TMEM45B: variants seen among roughly 807,000 people sequenced by gnomAD.
The protein encoded by TMEM45B is transmembrane protein 45B.
TMEM45B carries 29 observed loss-of-function variants against 27.3 expected under a neutral mutation model. The observed-to-expected ratio is 1.06, with a 90% CI of 0.79 to 1.45. TMEM45B has a LOEUF of 1.45. Among genes scored for constraint, TMEM45B ranks in the 40% most tolerant of loss-of-function variants. TMEM45B has a pLI of 0.00. For synonymous variants in TMEM45B, 143 were observed against 134.7 expected (o/e 1.06, Z -0.43); for missense variants, 348 against 343.9 (o/e 1.01, Z -0.09).
intron 1 of TMEM45B, among the ~76,000 whole-genome samples, chr11:129,846,978 C>T (rs1189024161): frequency 6.6e-6 from 1 of 152,078 alleles, no homozygotes; most frequent in Non-Finnish European, 1.5e-5. Flanking sequence ...GGCTCAGGAT[C>T]GTATATGGCC....
chr11:129,819,943 T>C (rs1383078275), intron 1 of TMEM45B, among the ~76,000 whole-genome samples: 3 of 152,084 alleles, frequency 2.0e-5, no homozygotes, highest in Non-Finnish European at 4.4e-5. Flanking sequence ...CAGAACCATA[T>C]CACATACACA....
intron 1 of TMEM45B, among the ~76,000 whole-genome samples, chr11:129,818,305 T>C (rs1204680086): frequency 6.6e-6 from 1 of 152,252 alleles, no homozygotes; most frequent in Non-Finnish European, 1.5e-5. Flanking sequence ...AAAAGGTCTA[T>C]CAGCCTTCTG....
intron 3 of TMEM45B, 115 bp downstream of exon 3, chr11:129,854,931 C>T: frequency 1.6e-6 from 2 of 1,283,924 alleles, no homozygotes. Flanking sequence ...CCAGAAAATC[C>T]ACATCTCTGG....
chr11:129,852,788 C>T (rs2135600115), intron 2 of TMEM45B, 128 bp downstream of exon 2: 1 of 930,020 alleles, frequency 1.1e-6, no homozygotes, highest in South Asian at 1.9e-5. Flanking sequence ...TTCCTGATGG[C>T]CACTAGACTA....
chr11:129,851,836 A>G (rs1947850448), intron 1 of TMEM45B, among the ~76,000 whole-genome samples: 1 of 152,224 alleles, frequency 6.6e-6, no homozygotes. Flanking sequence ...ACTGTGAATC[A>G]TATTGACCAG....
At chr11:129,827,393 C>T (rs1947497939) in intron 1 of TMEM45B, among the ~76,000 whole-genome samples, 1 of 152,196 alleles carries the variant, frequency 6.6e-6, no homozygotes, top group African/African-American at 2.4e-5. Flanking sequence ...GGTGTGAGCA[C>T]TTTTTCCAAG....
At chr11:129,847,045 T>A (rs1947769427) in intron 1 of TMEM45B, among the ~76,000 whole-genome samples, 1 of 152,172 alleles carries the variant, frequency 6.6e-6, no homozygotes, top group Admixed American at 6.5e-5. Flanking sequence ...AAACTAATGA[T>A]TTCAACAAAC....
At chr11:129,840,969 A>T (rs1465625202) in intron 1 of TMEM45B, among the ~76,000 whole-genome samples, 1 of 149,204 alleles carries the variant, frequency 6.7e-6, no homozygotes, top group African/African-American at 2.5e-5. Flanking sequence ...AAAAAAAAAA[A>T]AGCAACAAAC....
intron 1 of TMEM45B, among the ~76,000 whole-genome samples, chr11:129,851,917 G>T (rs539721018): frequency 6.6e-6 from 1 of 152,134 alleles, no homozygotes; most frequent in African/African-American, 2.4e-5. Context: ...AAATGATGTT[G>T]TGCTTTCGTT....
At chr11:129,822,705 G>A (rs1277034685) in intron 1 of TMEM45B, among the ~76,000 whole-genome samples, 1 of 152,140 alleles carries the variant, frequency 6.6e-6, no homozygotes, top group African/African-American at 2.4e-5. Context: ...TGAAGTTGCT[G>A]ATGTTCTCCA....
At chr11:129,854,514 C>T (rs77980698) in intron 2 of TMEM45B, 96 bp from the exon 3 acceptor site, 1 of 1,275,292 alleles carries the variant, frequency 7.8e-7, no homozygotes, top group East Asian at 2.5e-5. Flanking sequence ...CACCTCACCC[C>T]ATCTCCGCTT....
chr11:129,857,454 T>C lies in TMEM45B; in HGVS notation c.712T>C (p.Tyr238His), dbSNP rs751154715. The C allele has an allele frequency of 1.2e-6, 2 of 1,614,162 alleles. No homozygotes were observed. Among genetic ancestry groups the C allele is most frequent in the South Asian group, 2.2e-5 (2 of 91,086 alleles). ...TGTGGCCGTCAACTATTCTCTTGTTTACTGGTATGTCTGAGACTTCAGTGA... is the reference window on the plus strand; with the variant it reads ...TGTGGCCGTCAACTATTCTCTTGTTCACTGGTATGTCTGAGACTTCAGTGA... ...SIVAVNYSLV[Y>H]CLLTRMKRHG... The change falls in exon 5 of 6, where the codon TAC (tyrosine) becomes CAC (histidine). Residue 238 changes from tyrosine to histidine, a missense_variant. Transcript: ENST00000281441.
intron 5 of TMEM45B, among the ~76,000 whole-genome samples, chr11:129,858,354 G>C (rs890313137): frequency 2.6e-5 from 4 of 152,190 alleles, no homozygotes; most frequent in Admixed American, 2.6e-4. Flanking sequence ...ACCAAGATAG[G>C]CAAGACCTTG....
intron 1 of TMEM45B, among the ~76,000 whole-genome samples, chr11:129,851,166 C>A (rs953345839): frequency 1.3e-5 from 2 of 152,198 alleles, no homozygotes; most frequent in African/African-American, 4.8e-5. Context: ...GGGACCAGCT[C>A]CCTCCAGCCA....
At chr11:129,850,170 G>C (rs1346505989) in intron 1 of TMEM45B, among the ~76,000 whole-genome samples, 2 of 149,674 alleles carry the variant, frequency 1.3e-5, no homozygotes, top group South Asian at 4.2e-4. Flanking sequence ...TGTTGATGTT[G>C]TTGTTGTTTT....
chr11:129,854,804 G>A lies in TMEM45B; in HGVS notation c.373G>A (p.Val125Ile). The A allele has an allele frequency of 6.2e-7, 1 of 1,613,530 alleles. No homozygotes were observed. The highest frequency in any genetic ancestry group is 1.1e-5 in the South Asian group (1 of 91,080). ...GGACAGACTGGTTATGGCTGTGGCA[G>A]TATTCATGGAAGGTAATTTTGTGGA... ...GVDRLVMAVAVFMEGFLFYYH... is the reference protein window; with the variant it reads ...GVDRLVMAVAIFMEGFLFYYH... Residue 125 changes from valine to isoleucine, a missense_variant, in exon 3 of 6, where the codon GTA becomes ATA. Physicochemically the swap from Val to Ile is conservative, Grantham distance 29. Coordinates refer to ENST00000281441, the MANE Select transcript of TMEM45B (RefSeq NM_138788.5).
chr11:129,846,131 T>C (rs1947757560), intron 1 of TMEM45B, among the ~76,000 whole-genome samples: 1 of 152,148 alleles, frequency 6.6e-6, no homozygotes, highest in African/African-American at 2.4e-5. Context: ...TTTGGGAAGA[T>C]AAACAAGTAA....
chr11:129,831,221 C>T (rs1947543206), intron 1 of TMEM45B, among the ~76,000 whole-genome samples: 1 of 152,122 alleles, frequency 6.6e-6, no homozygotes. Flanking sequence ...TCTCAGCGTA[C>T]TAATTTTTTC....
intron 1 of TMEM45B, among the ~76,000 whole-genome samples, chr11:129,851,310 G>A (rs535906532): frequency 6.6e-5 from 10 of 152,084 alleles, no homozygotes; most frequent in South Asian, 6.2e-4. Flanking sequence ...TTGGGAGGCC[G>A]AGGTGGGCAG....
Sources: allele counts gnomAD v4.1 joint callset (sites outside exome capture counted in the v4.1 genomes callset), GRCh38; gene constraint gnomAD v4.1.1; transcripts MANE v1.5; gene names NCBI Gene and HGNC (gene_info 2026-07-23, HGNC 2026-07-21).